The following FNIP1 variants were observed in gnomAD, a reference collection of about 807,000 sequenced individuals.
FNIP1 encodes folliculin interacting protein 1, also known as folliculin-interacting protein 1.
A neutral mutation model predicts 124.5 loss-of-function variants in FNIP1; 40 were observed. The observed-to-expected ratio is 0.32, with a 90% CI of 0.25 to 0.42. The LOEUF (loss-of-function observed/expected upper bound fraction) is 0.42. FNIP1 is among the 10% of genes least tolerant of loss of function. The probability of loss-of-function intolerance (pLI) is 1.00; values close to 1 mark genes in which losing one functional copy is unlikely to be tolerated. For missense variants in FNIP1, 1,176 were observed against 1,403.7 expected (o/e 0.84, Z 2.59); for synonymous variants, 472 against 470.6 (o/e 1.00, Z -0.04).
At chr5:131,707,692 A>G (rs1178608679) in intron 8 of FNIP1, among the ~76,000 whole-genome samples, 1 of 152,200 alleles carries the variant, frequency 6.6e-6, no homozygotes. Context: ...GACTTCAGTG[A>G]AAAATAAAAT....
At chr5:131,714,599 A>T (rs1342584739) in intron 6 of FNIP1, among the ~76,000 whole-genome samples, 1 of 152,026 alleles carries the variant, frequency 6.6e-6, no homozygotes, top group Non-Finnish European at 1.5e-5. Context: ...ACACATACTG[A>T]TTTATTCACA....
intron 15 of FNIP1, among the ~76,000 whole-genome samples, chr5:131,656,768 T>C (rs1767205547): frequency 6.6e-6 from 1 of 152,086 alleles, no homozygotes; most frequent in African/African-American, 2.4e-5. Flanking sequence ...TGGAAAAAGA[T>C]GCCACAAAGT....
intron 3 of FNIP1, among the ~76,000 whole-genome samples, chr5:131,722,506 C>G (rs1379787969): frequency 6.6e-6 from 1 of 152,172 alleles, no homozygotes; most frequent in African/African-American, 2.4e-5. Flanking sequence ...CCAGGATATA[C>G]AGCTGCACAC....
At chr5:131,720,189 A>T (rs1395091688) in intron 3 of FNIP1, among the ~76,000 whole-genome samples, 1 of 152,226 alleles carries the variant, frequency 6.6e-6, no homozygotes, top group African/African-American at 2.4e-5. Context: ...GCCCAGAAAT[A>T]AACCTACATG....
At chr5:131,673,023 T>A in intron 13 of FNIP1, 99 bp from the exon 14 acceptor site, 4 of 860,292 alleles carry the variant, frequency 4.6e-6, no homozygotes, top group Non-Finnish European at 6.9e-6. Context: ...ACTGTATGAG[T>A]AATAGTTTAG....
At chr5:131,647,971 A>G (rs780011934) in intron 16 of FNIP1, among the ~76,000 whole-genome samples, 10 of 152,004 alleles carry the variant, frequency 6.6e-5, no homozygotes, top group Admixed American at 2.0e-4. Flanking sequence ...GGAGAATAAA[A>G]AACAGTTTGC....
intron 11 of FNIP1, among the ~76,000 whole-genome samples, chr5:131,682,505 GGTTGAGA>G (rs1768123315): frequency 6.6e-6 from 1 of 151,922 alleles, no homozygotes; most frequent in Non-Finnish European, 1.5e-5. Context: ...GATCACCTGA[GGTTGAGA>G]GTTCAAGACC....
Position 131,641,731 on chromosome 5 carries a change from T to C in FNIP1, c.*2954A>G, listed in dbSNP as rs1225902336. Reference sequence around the variant, plus strand: ...ACCATCCATCAAGTTGACATGTGTATTTATTGCACAAATATCCCCTAGAAC... The same window carrying C: ...ACCATCCATCAAGTTGACATGTGTACTTATTGCACAAATATCCCCTAGAAC... On this transcript the variant is annotated 3_prime_UTR_variant, in exon 18 of 18. Transcript: ENST00000510461. 1 of 152,796 alleles carries C rather than the reference T, an allele frequency of 6.5e-6. No homozygotes were observed. Among genetic ancestry groups the C allele is most frequent in the East Asian group, 1.9e-4 (1 of 5,338 alleles). The allele number at this position is 152,796 out of a possible 1,614,324, so 9.5% of individuals were successfully genotyped here. A position where few individuals can be genotyped will look rare whatever the true frequency, so the allele number is the denominator to read the frequency against.
chr5:131,671,782 T>C lies in FNIP1; in HGVS notation c.2662A>G (p.Ile888Val), dbSNP rs775658647. 5 of 1,614,130 alleles carry C rather than the reference T, an allele frequency of 3.1e-6. No homozygotes were observed. Among genetic ancestry groups the C allele is most frequent in the Admixed American group, 3.3e-5 (2 of 60,022 alleles). ...NKQNNEFCKC[I>V]ETVPQDSCKT... ...CATGAATCTTGGGGAACTGTTTCTA[T>C]ACATTTACAAAATTCATTGTTCTGC... Residue 888 changes from isoleucine to valine, a missense_variant, in exon 14 of 18, where the codon ATA (isoleucine) becomes GTA (valine). Transcript: ENST00000510461.
intron 11 of FNIP1, among the ~76,000 whole-genome samples, chr5:131,681,421 G>A (rs554257291): frequency 1.3e-5 from 2 of 151,918 alleles, no homozygotes; most frequent in African/African-American, 2.4e-5. Context: ...ACTACAGAGC[G>A]CAACCAAAAA....
intron 11 of FNIP1, among the ~76,000 whole-genome samples, chr5:131,689,281 T>C (rs1768395434): frequency 6.6e-6 from 1 of 152,158 alleles, no homozygotes; most frequent in Non-Finnish European, 1.5e-5. Context: ...ACTGACAGAT[T>C]TGATGGCAGA....
chr5:131,670,321 C>T (rs544506202), intron 15 of FNIP1, 142 bp downstream of exon 15: 20 of 605,524 alleles, frequency 3.3e-5, no homozygotes, highest in African/African-American at 1.1e-4. Flanking sequence ...TACAAAGATA[C>T]GGGCACTGAA....
intron 5 of FNIP1, 104 bp from the exon 6 acceptor site, chr5:131,716,760 T>TATTA: frequency 1.6e-6 from 1 of 636,778 alleles, no homozygotes; most frequent in Non-Finnish European, 2.6e-6. Context: ...AGTTTCTTCC[T>TATTA]ATTAGCATTA....
At position 131,749,636 on chromosome 5, in the gene FNIP1, C is replaced by A. The variant is rs1226160876; in HGVS notation, c.93-4946G>T. Among the ~76,000 whole-genome samples the A allele has an allele frequency of 2.0e-5, 3 of 152,128 alleles. No homozygotes were observed. The South Asian group carries it at 6.2e-4, about 31-fold the overall frequency. On this transcript the variant is annotated intron_variant, in intron 1 of 17. Coordinates refer to ENST00000510461, the MANE Select transcript of FNIP1 (RefSeq NM_133372.3). ...CAAACTCCTGACCTCAGGTGATCCG[C>A]CTGCCTCGGCCTCCCAAAGTGCTGG...
intron 11 of FNIP1, among the ~76,000 whole-genome samples, chr5:131,679,598 ACCCACTCAAAAC>A (rs1768012337): frequency 6.6e-6 from 1 of 152,220 alleles, no homozygotes; most frequent in Non-Finnish European, 1.5e-5. Context: ...TTATCCATCT[ACCCACTCAAAAC>A]AACAGTTTAT....
At chr5:131,683,918 G>A (rs1475503893) in intron 11 of FNIP1, among the ~76,000 whole-genome samples, 1 of 152,150 alleles carries the variant, frequency 6.6e-6, no homozygotes, top group Non-Finnish European at 1.5e-5. Context: ...TAACCTTGAT[G>A]TGCCTCTCTG....
intron 9 of FNIP1, among the ~76,000 whole-genome samples, chr5:131,705,397 C>A (rs1006666500): frequency 9.9e-5 from 15 of 152,042 alleles, no homozygotes; most frequent in African/African-American, 3.6e-4. Flanking sequence ...CACCTGAGCC[C>A]AGGGAGGTTG....
intron 15 of FNIP1, among the ~76,000 whole-genome samples, chr5:131,658,177 G>A (rs141891431): frequency 7.2e-5 from 11 of 152,204 alleles, no homozygotes; most frequent in Non-Finnish European, 1.3e-4. Context: ...GGAACAAGAC[G>A]TAGAAGCAGC....
chr5:131,705,998 A>G (rs1425586809), intron 9 of FNIP1, among the ~76,000 whole-genome samples: 2 of 152,178 alleles, frequency 1.3e-5, no homozygotes, highest in Non-Finnish European at 2.9e-5. Flanking sequence ...GCAGACACAA[A>G]AGGACAAGCA....
Sources: allele counts gnomAD v4.1 joint callset (sites outside exome capture counted in the v4.1 genomes callset), GRCh38; gene constraint gnomAD v4.1.1; transcripts MANE v1.5; gene names NCBI Gene and HGNC (gene_info 2026-07-23, HGNC 2026-07-21).